ALK: variants seen among roughly 807,000 people sequenced by gnomAD.
The protein encoded by ALK is ALK receptor tyrosine kinase, also known as ALK tyrosine kinase receptor.
Under a neutral mutation model 163.1 loss-of-function variants are expected in ALK, and 74 were observed. That is an observed-to-expected ratio of 0.45 (90% CI 0.38 to 0.55). The LOEUF (loss-of-function observed/expected upper bound fraction) is 0.55. Ranked by LOEUF, ALK falls within the 20% of genes least tolerant of loss-of-function variation. The pLI, the probability that ALK is intolerant of heterozygous loss-of-function variation, is 0.00. For synonymous variants in ALK, 960 were observed against 843.2 expected, an observed-to-expected ratio of 1.14 and a Z score of -2.40; for missense variants, 2,063 against 2,105.3, an observed-to-expected ratio of 0.98 and a Z score of 0.39.
At chr2:29,238,810 A>C (rs1196137058) in intron 13 of ALK, among the ~76,000 whole-genome samples, 1 of 152,238 alleles carries the variant, frequency 6.6e-6, no homozygotes, top group Non-Finnish European at 1.5e-5. Flanking sequence ...AGATTGATTA[A>C]TAAAAATGAT....
chr2:29,269,735 C>T (rs914008257), intron 11 of ALK, among the ~76,000 whole-genome samples: 3 of 152,162 alleles, frequency 2.0e-5, no homozygotes, highest in Non-Finnish European at 4.4e-5. Context: ...AGGGAAATGA[C>T]CAGTGTCTCA....
At chr2:29,449,187 CA>C (rs758539861) in intron 4 of ALK, among the ~76,000 whole-genome samples, 5 of 152,116 alleles carry the variant, frequency 3.3e-5, no homozygotes, top group Non-Finnish European at 7.4e-5. Flanking sequence ...TGCCAGAAAC[CA>C]GAGACTAGGG....
At chr2:29,865,168 C>T (rs72856246) in intron 1 of ALK, among the ~76,000 whole-genome samples, 1,736 of 152,330 alleles carry the variant, frequency 0.011, 22 homozygotes, top group African/African-American at 0.04. Context: ...GTCAGGTGAC[C>T]TGCTCTGGGC....
intron 4 of ALK, among the ~76,000 whole-genome samples, chr2:29,405,794 A>C (rs901653082): frequency 2.0e-5 from 3 of 152,220 alleles, no homozygotes; most frequent in African/African-American, 7.2e-5. Context: ...GAAATAATGA[A>C]GATAGAAATG....
intron 1 of ALK, among the ~76,000 whole-genome samples, chr2:29,737,622 T>C (rs1459782807): frequency 1.3e-5 from 2 of 152,070 alleles, no homozygotes; most frequent in Non-Finnish European, 2.9e-5. Flanking sequence ...ATTCATTTCT[T>C]GCATTGTTTT....
At chr2:29,680,459 G>C (rs377555934) in intron 3 of ALK, among the ~76,000 whole-genome samples, 63 of 152,204 alleles carry the variant, frequency 4.1e-4, no homozygotes, top group African/African-American at 1.4e-3. Context: ...TAAATCTGCT[G>C]TTGAGCTGGT....
intron 3 of ALK, among the ~76,000 whole-genome samples, chr2:29,687,196 T>C (rs146072104): frequency 6.6e-6 from 1 of 152,042 alleles, no homozygotes; most frequent in Non-Finnish European, 1.5e-5. Flanking sequence ...CTTACTTAGA[T>C]GCTGGGATTG....
intron 28 of ALK, among the ~76,000 whole-genome samples, chr2:29,194,215 T>C (rs1417565743): frequency 6.6e-6 from 1 of 150,502 alleles, no homozygotes; most frequent in African/African-American, 2.5e-5. Context: ...TTTTAAAGAT[T>C]AGTGGATTTA....
intron 5 of ALK, among the ~76,000 whole-genome samples, chr2:29,334,062 A>C (rs1667536148): frequency 6.6e-6 from 1 of 152,032 alleles, no homozygotes; most frequent in Non-Finnish European, 1.5e-5. Context: ...CTCTGGGGAC[A>C]CCTTCCACCA....
chr2:29,891,573 A>G (rs982739694), intron 1 of ALK, among the ~76,000 whole-genome samples: 2 of 152,206 alleles, frequency 1.3e-5, no homozygotes, highest in African/African-American at 4.8e-5. Flanking sequence ...CTCATTTAAA[A>G]ATGACAAATC....
At chr2:29,226,886 T>G in intron 18 of ALK, 36 bp downstream of exon 18, 2 of 1,613,092 alleles carry the variant, frequency 1.2e-6, no homozygotes, top group Middle Eastern at 3.5e-4. Context: ...TCTCAGGCTA[T>G]GGGCCCCTCT....
intron 1 of ALK, among the ~76,000 whole-genome samples, chr2:29,760,896 C>T (rs1680681746): frequency 6.6e-6 from 1 of 152,216 alleles, no homozygotes; most frequent in Non-Finnish European, 1.5e-5. Context: ...TGGCTGTTTG[C>T]ACACCTACAT....
At chr2:29,588,635 A>G (rs1674960094) in intron 3 of ALK, among the ~76,000 whole-genome samples, 1 of 152,172 alleles carries the variant, frequency 6.6e-6, no homozygotes, top group Non-Finnish European at 1.5e-5. Flanking sequence ...AAAGGACCAG[A>G]TAGTAAATAT....
At chr2:29,240,533 C>A (rs370475345) in intron 12 of ALK, among the ~76,000 whole-genome samples, 1 of 152,102 alleles carries the variant, frequency 6.6e-6, no homozygotes, top group East Asian at 1.9e-4. Flanking sequence ...CAAGGAGGTT[C>A]CTCACAGAAT....
At chr2:29,529,313 T>C (rs903980263) in intron 4 of ALK, among the ~76,000 whole-genome samples, 3 of 152,204 alleles carry the variant, frequency 2.0e-5, no homozygotes, top group Non-Finnish European at 4.4e-5. Flanking sequence ...TTCCAAATAG[T>C]GGTCCCCAAA....
chr2:29,575,683 G>A (rs1293674580), intron 3 of ALK, among the ~76,000 whole-genome samples: 3 of 152,180 alleles, frequency 2.0e-5, no homozygotes, highest in African/African-American at 4.8e-5. Context: ...GTAATTCAGC[G>A]CCTGATTTTG....
rs183205976 is a variant in ALK, at chr2:29,746,364, C to T, written c.668-28667G>A. Among the ~76,000 whole-genome samples the T allele has an allele frequency of 3.3e-5, 5 of 152,296 alleles. No homozygotes were observed. In the East Asian group the frequency reaches 7.7e-4, roughly 23 times the overall value. ...ACTCTCTGACAACACATTACTAACA[C>T]AAAGGACTGTTTGGACTAGGTCCAT... On this transcript the variant is annotated intron_variant, in intron 1 of 28. Coordinates refer to ENST00000389048, the MANE Select transcript of ALK (RefSeq NM_004304.5).
chr2:29,830,713 TAAAAAAAAAAAA>T (rs530774574), intron 1 of ALK, among the ~76,000 whole-genome samples: 37 of 28,996 alleles, frequency 1.3e-3, no homozygotes, highest in African/African-American at 3.9e-3. Context: ...TAAAATAGTT[TAAAAAAAAAAAA>T]AAAAAAAAAA....
chr2:29,430,800 C>A lies in ALK; in HGVS notation c.1155-46941G>T, dbSNP rs189320275. Among the ~76,000 whole-genome samples the A allele has an allele frequency of 3.9e-5, 6 of 152,328 alleles. No homozygotes were observed. In the East Asian group the frequency reaches 1.2e-3, roughly 29 times the overall value. On this transcript the variant is annotated intron_variant, in intron 4 of 28. Coordinates refer to ENST00000389048, the MANE Select transcript of ALK (RefSeq NM_004304.5). Reference sequence around the variant, plus strand: ...AGGCAGAGGCCAAATACTGTGTATGCTTTCCTATGTACTCACTTTGATTTG... The same window carrying A: ...AGGCAGAGGCCAAATACTGTGTATGATTTCCTATGTACTCACTTTGATTTG...
Sources: allele counts gnomAD v4.1 joint callset (sites outside exome capture counted in the v4.1 genomes callset), GRCh38; gene constraint gnomAD v4.1.1; transcripts MANE v1.5; gene names NCBI Gene and HGNC (gene_info 2026-07-23, HGNC 2026-07-21).